Variants in DDX60L observed in about 807,000 individuals in gnomAD.
DDX60L encodes DExD/H-box 60 like, also known as probable ATP-dependent RNA helicase DDX60-like.
A neutral mutation model predicts 211.6 loss-of-function variants in DDX60L; 191 were observed. The observed-to-expected ratio is 0.90, with a 90% CI of 0.80 to 1.02. DDX60L has a LOEUF of 1.02. Among genes scored for constraint, DDX60L ranks in the 50% least tolerant of loss-of-function variants. DDX60L has a pLI of 0.00. For synonymous variants in DDX60L, 706 were observed against 694.1 expected (o/e 1.02, Z -0.27); for missense variants, 2,007 against 1,984.1 (o/e 1.01, Z -0.22).
At position 168,405,293 on chromosome 4, in the gene DDX60L, C is replaced by T. The variant is rs577384153; in HGVS notation, c.3213+657G>A. On this transcript the variant is annotated intron_variant, in intron 24 of 37. Transcript: ENST00000682922. ...AAAGTGCTGGGATTATAGGTGTGAG[C>T]CACCACTCCCGGCCAACCCATACCA... Among the ~76,000 whole-genome samples the T allele has an allele frequency of 8.5e-5, 13 of 152,274 alleles. No homozygotes were observed. The South Asian group carries it at 2.7e-3, about 32-fold the overall frequency.
intron 9 of DDX60L, among the ~76,000 whole-genome samples, chr4:168,445,734 T>A (rs1173581113): frequency 1.3e-5 from 2 of 149,438 alleles, no homozygotes; most frequent in Non-Finnish European, 3.0e-5. Context: ...TATACACAAA[T>A]CAATAAATGT....
In DDX60L at chr4:168,430,473, T is replaced by C. The variant is rs1752178624; in HGVS notation, c.1677+5A>G. The C allele has an allele frequency of 6.4e-7, 1 of 1,562,092 alleles. No individual in the cohort carries two copies. Among genetic ancestry groups the C allele is most frequent in the Non-Finnish European group, 8.6e-7 (1 of 1,160,792 alleles). Reference sequence around the variant, plus strand: ...AAAAAATTAGGTAAAATCTTTGCGATCTACCTGTAATATTTCACCACTGGC... The same window carrying C: ...AAAAAATTAGGTAAAATCTTTGCGACCTACCTGTAATATTTCACCACTGGC... On this transcript the variant is annotated splice_donor_5th_base_variant and intron_variant, in intron 13 of 37. Coordinates refer to ENST00000682922, the MANE Select transcript of DDX60L (RefSeq NM_001012967.3).
At chr4:168,411,393 G>C (rs1415651717) in intron 22 of DDX60L, among the ~76,000 whole-genome samples, 1 of 152,184 alleles carries the variant, frequency 6.6e-6, no homozygotes, top group African/African-American at 2.4e-5. Context: ...ATGGCATGCA[G>C]AGAGAGTCTG....
At position 168,394,542 on chromosome 4, in the gene DDX60L, TC is replaced by T; in HGVS notation, c.3732del (p.Ile1245LeufsTer21). ...GKELKALAQRGIGYHHSSMYF... is the reference protein window; with the variant it reads ...GKELKALAQRXIGYHHSSMYF... ...TACATGCTGCTGTGATGATATCCAATCCCCCTTTGTGCTAAAGCCTTCAGTT... is the reference window on the plus strand; with the variant it reads ...TACATGCTGCTGTGATGATATCCAATCCCCTTTGTGCTAAAGCCTTCAGTT... On this transcript the variant is annotated frameshift_variant, in exon 28 of 38. Coordinates refer to ENST00000682922, the MANE Select transcript of DDX60L (RefSeq NM_001012967.3). LOFTEE classifies it high-confidence loss of function. 1 of 1,613,658 alleles carries T rather than the reference TC, an allele frequency of 6.2e-7. No homozygotes were observed. The highest frequency in any genetic ancestry group is 8.5e-7 in the Non-Finnish European group (1 of 1,179,632).
chr4:168,406,981 C>T (rs1412176660), intron 22 of DDX60L, among the ~76,000 whole-genome samples: 1 of 152,168 alleles, frequency 6.6e-6, no homozygotes, highest in Non-Finnish European at 1.5e-5. Context: ...AATAAACTAA[C>T]ACTGCTCTAT....
chr4:168,468,009 A>C (rs1457832615), intron 4 of DDX60L, among the ~76,000 whole-genome samples: 1 of 152,126 alleles, frequency 6.6e-6, no homozygotes, highest in Non-Finnish European at 1.5e-5. Context: ...TTTGCTAAAA[A>C]TACAAAAATC....
intron 1 of DDX60L, among the ~76,000 whole-genome samples, chr4:168,477,035 A>G (rs1759603025): frequency 6.6e-6 from 1 of 152,170 alleles, no homozygotes; most frequent in Non-Finnish European, 1.5e-5. Context: ...ATATATATAA[A>G]TTTCTATTGT....
rs768729673 is a variant in DDX60L at position 168,461,815 on chromosome 4, G to C, written c.490C>G (p.His164Asp). 1 of 1,606,864 alleles carries C rather than the reference G, an allele frequency of 6.2e-7. No homozygotes were observed. Among genetic ancestry groups the C allele is most frequent in the East Asian group, 2.2e-5 (1 of 44,780 alleles). Residue 164 changes from histidine to aspartate, a missense_variant, in exon 5 of 38, where the codon CAT (histidine) becomes GAT (aspartate). Coordinates refer to ENST00000682922, the MANE Select transcript of DDX60L (RefSeq NM_001012967.3). ...ACATTGACTTTCATTCCCCAGGAAT[G>C]TATGATTAGGAAGTTAAAAAGGTAC... is the stretch of plus-strand genomic sequence containing the variant. ...QTYLFNFLII[H>D]SWGMKVNVVL... is the part of the protein sequence containing the mutation.
chr4:168,408,145 G>T, intron 22 of DDX60L, among the ~76,000 whole-genome samples: 1 of 151,354 alleles, frequency 6.6e-6, no homozygotes, highest in Non-Finnish European at 1.5e-5. Flanking sequence ...AGTTTTCTAA[G>T]AATTATCAAG....
intron 11 of DDX60L, 148 bp downstream of exon 11, chr4:168,432,862 T>C (rs1423562763): frequency 4.0e-6 from 2 of 496,196 alleles, no homozygotes; most frequent in Non-Finnish European, 7.2e-6. Context: ...TACTAGATGT[T>C]ACAATCACTT....
chr4:168,438,125 G>A (rs181413646), intron 10 of DDX60L, among the ~76,000 whole-genome samples: 560 of 152,108 alleles, frequency 3.7e-3, no homozygotes, highest in Non-Finnish European at 6.8e-3. Context: ...CCCCTGCCTC[G>A]GCCTCCCAAA....
Position 168,371,695 on chromosome 4 carries a change from G to C in DDX60L, c.4845C>G (p.Asn1615Lys). 6.2e-7 allele frequency: 1 copy of C among 1,611,522 alleles called. No individual in the cohort carries two copies. The highest frequency in any genetic ancestry group is 8.5e-7 in the Non-Finnish European group (1 of 1,178,748). ...CATTTAGTGGCATTCTCCTTCCTCG[G>C]TTATCTAATTTCCATGGCCACAGCA... is the stretch of plus-strand genomic sequence containing the variant. ...APLLWPWKLD[N>K]RGRRMPLNAY... The change falls in exon 36 of 38, where the codon AAC becomes AAG. Residue 1615 changes from asparagine (N) to lysine (K), a missense_variant. Transcript: ENST00000682922.
chr4:168,453,242 A>AAATCTTCCACCTCCTGCAGG lies in DDX60L; in HGVS notation c.858_877dup (p.Phe293SerfsTer45). 6.2e-7 allele frequency: 1 copy of AAATCTTCCACCTCCTGCAGG among 1,612,912 alleles called. No homozygotes were observed. Among genetic ancestry groups the AAATCTTCCACCTCCTGCAGG allele is most frequent in the Non-Finnish European group, 8.5e-7 (1 of 1,179,290 alleles). On this transcript the variant is annotated frameshift_variant, in exon 8 of 38. Coordinates refer to ENST00000682922, the MANE Select transcript of DDX60L (RefSeq NM_001012967.3). LOFTEE classifies it high-confidence loss of function. Reference sequence around the variant, plus strand: ...CACACAGAGGCAACGCAGTCTGCAGAAATCTTCCACCTCCTGCAGGGATAG... The same window carrying AAATCTTCCACCTCCTGCAGG: ...CACACAGAGGCAACGCAGTCTGCAGAAATCTTCCACCTCCTGCAGGAATCTTCCACCTCCTGCAGGGATAG...
intron 36 of DDX60L, 57 bp downstream of exon 36, chr4:168,371,555 T>A: frequency 1.0e-6 from 1 of 980,556 alleles, no homozygotes; most frequent in Non-Finnish European, 1.5e-6. Flanking sequence ...TATACAATAA[T>A]AAAACATAGA....
chr4:168,453,205 G>C lies in DDX60L; in HGVS notation c.915C>G (p.Leu305=). The change falls in exon 8 of 38, where the codon CTC becomes CTG. Residue 305 remains leucine, a synonymous_variant. Transcript: ENST00000682922. ...AAGCTCTCTGAGAAAGGGGTAAGTG[G>C]AGTTGAAAAGCCACACAGAGGCAAC... The part of the protein sequence containing the change: ...RLRCLCVAFQ[L]HLPLSQRACS... The C allele has an allele frequency of 6.2e-7, 1 of 1,613,380 alleles. No homozygotes were observed. Among genetic ancestry groups the C allele is most frequent in the Non-Finnish European group, 8.5e-7 (1 of 1,179,564 alleles).
At chr4:168,390,422 C>G in intron 29 of DDX60L, 1 of 1,302,382 alleles carries the variant, frequency 7.7e-7, no homozygotes, top group South Asian at 2.5e-5. Flanking sequence ...GAAAATATGG[C>G]TTTTAAAGTT....
chr4:168,383,259 C>T (rs1364620538), intron 30 of DDX60L, among the ~76,000 whole-genome samples: 2 of 151,970 alleles, frequency 1.3e-5, no homozygotes, highest in Non-Finnish European at 2.9e-5. Flanking sequence ...AAATGCAAAG[C>T]ATTAAAAGAG....
At chr4:168,479,055 A>C (rs753955241) in intron 1 of DDX60L, among the ~76,000 whole-genome samples, 1 of 152,232 alleles carries the variant, frequency 6.6e-6, no homozygotes, top group African/African-American at 2.4e-5. Flanking sequence ...AATATCTTTT[A>C]AAGTGTATGG....
In DDX60L at chr4:168,415,718, G is replaced by T. The variant is rs1328152763; in HGVS notation, c.2808C>A (p.Asp936Glu). 2 of 1,603,032 alleles carry T rather than the reference G, an allele frequency of 1.2e-6. No individual in the cohort carries two copies. Among genetic ancestry groups the T allele is most frequent in the African/African-American group, 2.7e-5 (2 of 74,688 alleles). Residue 936 changes from aspartate (D) to glutamate (E), a missense_variant, in exon 21 of 38, where the codon GAC (aspartate) becomes GAA (glutamate). By Grantham distance (45) the Asp-to-Glu change is conservative (BLOSUM62 2). Coordinates refer to ENST00000682922, the MANE Select transcript of DDX60L (RefSeq NM_001012967.3). ...GGTCTTGGAGAAAGTTGAGACATTT[G>T]TCAGCCTGTTTTTCAGAAATACATT... is the stretch of plus-strand genomic sequence containing the variant. The part of the protein sequence containing the change: ...EEKCISEKQA[D>E]KCLNFLQDHS...
Sources: allele counts gnomAD v4.1 joint callset (sites outside exome capture counted in the v4.1 genomes callset), GRCh38; gene constraint gnomAD v4.1.1; transcripts MANE v1.5; gene names NCBI Gene and HGNC (gene_info 2026-07-23, HGNC 2026-07-21).